The following IFI16 variants were observed in gnomAD, a reference collection of about 807,000 sequenced individuals.
IFI16 encodes the protein gamma-interferon-inducible protein 16.
A neutral mutation model predicts 68.4 loss-of-function variants in IFI16; 49 were observed. The observed-to-expected ratio is 0.72, with a 90% CI of 0.57 to 0.91. The LOEUF is 0.91. IFI16 is among the 40% of genes least tolerant of loss of function. The pLI, the probability that IFI16 is intolerant of heterozygous loss-of-function variation, is 0.00. For synonymous variants in IFI16, 307 were observed against 315.0 expected, an observed-to-expected ratio of 0.97 and a Z score of 0.27; for missense variants, 878 against 942.9, an observed-to-expected ratio of 0.93 and a Z score of 0.90.
At chr1:159,036,981 T>C (rs1654361430) in intron 7 of IFI16, among the ~76,000 whole-genome samples, 1 of 152,202 alleles carries the variant, frequency 6.6e-6, no homozygotes, top group African/African-American at 2.4e-5. Flanking sequence ...CTATACTTTC[T>C]AAGAGTTTTA....
intron 6 of IFI16, among the ~76,000 whole-genome samples, chr1:159,023,600 T>A (rs1653471198): frequency 6.6e-6 from 1 of 152,184 alleles, no homozygotes; most frequent in Admixed American, 6.5e-5. Flanking sequence ...AGGAGTTTCC[T>A]TTGGCCTGCA....
intron 8 of IFI16, among the ~76,000 whole-genome samples, chr1:159,046,331 A>G (rs942339869): frequency 1.3e-5 from 2 of 151,148 alleles, no homozygotes; most frequent in African/African-American, 2.4e-5. Flanking sequence ...GATTAACTTC[A>G]TTGGGAACGG....
intron 1 of IFI16, among the ~76,000 whole-genome samples, chr1:159,014,456 A>T (rs6661814): frequency 0.085 from 7,686 of 90,426 alleles, 651 homozygotes; most frequent in African/African-American, 0.19. Context: ...AACTATTCTC[A>T]TTCAATGGGA....
intron 1 of IFI16, 99 bp from the exon 2 acceptor site, chr1:159,014,562 G>C (rs994308363): frequency 2.8e-6 from 2 of 726,404 alleles, no homozygotes; most frequent in Non-Finnish European, 4.4e-6. Flanking sequence ...ACATATTCAT[G>C]AACAACTCTT....
At chr1:159,006,774 C>T (rs114985106), upstream of IFI16, among the ~76,000 whole-genome samples, 3 of 152,124 alleles carry the variant, frequency 2.0e-5, no homozygotes, top group Non-Finnish European at 4.4e-5. Context: ...AGGGCGTTTT[C>T]CCGATAACCA....
intron 6 of IFI16, among the ~76,000 whole-genome samples, chr1:159,031,185 C>G (rs1018581358): frequency 2.6e-5 from 4 of 152,008 alleles, no homozygotes; most frequent in African/African-American, 9.7e-5. Context: ...CCCACCATCA[C>G]CCACCAACAA....
intron 6 of IFI16, among the ~76,000 whole-genome samples, chr1:159,031,746 A>T (rs998501668): frequency 5.9e-5 from 9 of 152,302 alleles, no homozygotes; most frequent in African/African-American, 2.2e-4. Flanking sequence ...CATTTTGAAT[A>T]TTCCACTCAC....
chr1:159,008,116 A>AAAT (rs2101784535), upstream of IFI16, among the ~76,000 whole-genome samples: 1 of 152,318 alleles, frequency 6.6e-6, no homozygotes, highest in African/African-American at 2.4e-5. Context: ...CAGAAAGGTA[A>AAAT]AATAGTAAGC....
At chr1:159,049,027 TGA>T (rs1332869280) in intron 8 of IFI16, among the ~76,000 whole-genome samples, 1 of 150,600 alleles carries the variant, frequency 6.6e-6, no homozygotes, top group Non-Finnish European at 1.5e-5. Context: ...GAAGAGCACT[TGA>T]GAGAGACTGG....
chr1:159,053,671 C>G lies in IFI16; in HGVS notation c.2224C>G (p.Pro742Ala). The G allele has an allele frequency of 6.2e-7, 1 of 1,613,854 alleles. No homozygotes were observed. Among genetic ancestry groups the G allele is most frequent in the South Asian group, 1.1e-5 (1 of 91,074 alleles). ...GAAACTCACCTGCTTTGAATTGGCA[C>G]CGAAAAGTGGGAATACCGGGGAGTT... is the stretch of plus-strand genomic sequence containing the variant. ...KLKLTCFELA[P>A]KSGNTGELRS... The change falls in exon 11 of 12, where the codon CCG (proline) becomes GCG (alanine). Residue 742 changes from proline to alanine, a missense_variant. Physicochemically the swap from Pro to Ala is conservative, Grantham distance 27. Coordinates refer to ENST00000295809, the MANE Select transcript of IFI16 (RefSeq NM_001376587.1).
In IFI16 at chr1:159,016,532, G is replaced by C. The variant is rs1652936317; in HGVS notation, c.382-1G>C. 1 of 1,602,412 alleles carries C rather than the reference G, an allele frequency of 6.2e-7. No homozygotes were observed. On this transcript the variant is annotated splice_acceptor_variant, in intron 3 of 11. Transcript: ENST00000295809. LOFTEE classifies it high-confidence loss of function. ...TAACAGGAAAATCAAACCACTTTCA[G>C]AAAAGAAAAAAATCAACCAAAGAAA...
chr1:159,019,670 A>G (rs901204121), intron 5 of IFI16, among the ~76,000 whole-genome samples: 1 of 91,204 alleles, frequency 1.1e-5, no homozygotes, highest in Non-Finnish European at 1.9e-5. Flanking sequence ...TATGTTAGCC[A>G]GGATGGTCTT....
chr1:159,041,430 A>G (rs892658354), intron 7 of IFI16, among the ~76,000 whole-genome samples: 6 of 152,188 alleles, frequency 3.9e-5, no homozygotes, highest in African/African-American at 1.2e-4. Flanking sequence ...TCCTCGCAGC[A>G]AAGATCAGTT....
intron 6 of IFI16, 136 bp downstream of exon 6, chr1:159,020,665 C>T: frequency 1.9e-6 from 1 of 535,482 alleles, no homozygotes; most frequent in East Asian, 3.1e-5. Context: ...TCCTTGTATT[C>T]ACATTTACTT....
intron 1 of IFI16, among the ~76,000 whole-genome samples, chr1:159,011,091 T>G (rs922906671): frequency 6.6e-6 from 1 of 152,170 alleles, no homozygotes; most frequent in Admixed American, 6.6e-5. Context: ...TTATAAAGTT[T>G]GCTTTTTTGG....
At chr1:159,016,344 T>G (rs1236781736) in intron 3 of IFI16, among the ~76,000 whole-genome samples, 189 bp from the exon 4 acceptor site, 1 of 152,192 alleles carries the variant, frequency 6.6e-6, no homozygotes, top group African/African-American at 2.4e-5. Flanking sequence ...GTGTATAACA[T>G]TCTCCTCTTT....
At chr1:159,000,165 G>T in exon 1 of IFI16, 1 of 198,200 alleles carries the variant, frequency 5.0e-6, no homozygotes, top group South Asian at 1.3e-4. Flanking sequence ...TTTAAATCAA[G>T]TTGGCTACTC....
At chr1:159,022,879 T>A (rs1007412626) in intron 6 of IFI16, among the ~76,000 whole-genome samples, 3 of 152,228 alleles carry the variant, frequency 2.0e-5, no homozygotes, top group Non-Finnish European at 4.4e-5. Flanking sequence ...TTTTTACAAT[T>A]TCCCCTCATT....
intron 4 of IFI16, among the ~76,000 whole-genome samples, chr1:159,017,798 G>A (rs1261547049): frequency 6.6e-6 from 1 of 152,132 alleles, no homozygotes; most frequent in Non-Finnish European, 1.5e-5. Context: ...AGTAGTGCCA[G>A]GGTTTCACCA....
Sources: gnomAD v4.1 joint callset for allele counts (sites outside exome capture counted in the v4.1 genomes callset) on GRCh38, gnomAD v4.1.1 for gene constraint, MANE v1.5 for transcripts, NCBI Gene and HGNC (gene_info 2026-07-23, HGNC 2026-07-21) for gene names.